The following MYT1L variants were observed in gnomAD, a reference collection of about 807,000 sequenced individuals.
MYT1L encodes the protein myelin transcription factor 1 like, also known as myelin transcription factor 1-like protein.
MYT1L carries 12 observed loss-of-function variants against 126.7 expected under a neutral mutation model. The ratio of observed to expected loss-of-function variants is 0.09; its 90% CI spans 0.06 to 0.15. The LOEUF is 0.15. Ranked by LOEUF, MYT1L falls within the 10% of genes least tolerant of loss-of-function variation. The probability of loss-of-function intolerance (pLI) is 1.00; values close to 1 mark genes in which losing one functional copy is unlikely to be tolerated. For synonymous variants in MYT1L, 541 were observed against 604.2 expected (o/e 0.90, Z 1.53); for missense variants, 979 against 1,585.2 (o/e 0.62, Z 6.49).
At chr2:2,195,987 G>T (rs1210806572) in intron 2 of MYT1L, among the ~76,000 whole-genome samples, 1 of 152,042 alleles carries the variant, frequency 6.6e-6, no homozygotes, top group Non-Finnish European at 1.5e-5. Flanking sequence ...TATTTAAAAA[G>T]ATAAAATGTA....
At chr2:1,883,377 A>C (rs2148811280) in intron 18 of MYT1L, among the ~76,000 whole-genome samples, 1 of 152,320 alleles carries the variant, frequency 6.6e-6, no homozygotes, top group East Asian at 1.9e-4. Context: ...GGCTGGGAGA[A>C]TATGGTTCCT....
chr2:1,994,951 T>TA (rs2061712733), intron 5 of MYT1L, among the ~76,000 whole-genome samples: 1 of 152,130 alleles, frequency 6.6e-6, no homozygotes, highest in African/African-American at 2.4e-5. Context: ...ACAGAAAACT[T>TA]AGAGAAACCT....
At chr2:2,076,673 G>C (rs1296481142) in intron 3 of MYT1L, among the ~76,000 whole-genome samples, 3 of 152,108 alleles carry the variant, frequency 2.0e-5, no homozygotes, top group African/African-American at 7.2e-5. Context: ...TAAACTAGTA[G>C]CAACAAAAAT....
Position 1,943,343 on chromosome 2 carries a change from A to G in MYT1L, c.153-9T>C. ...AGGGACAACCATATACACTAATTAA[A>G]AAAATAGAGAAGGCAGGGGAGAGAG... On this transcript the variant is annotated splice_polypyrimidine_tract_variant and intron_variant, in intron 8 of 24. Coordinates refer to ENST00000647738, the MANE Select transcript of MYT1L (RefSeq NM_001303052.2). The surrounding 1 kb of genome is among the most constrained non-coding windows in gnomAD (Gnocchi z 4.4). 6.5e-7 allele frequency: 1 copy of G among 1,535,912 alleles called. No homozygotes were observed. The highest frequency in any genetic ancestry group is 8.7e-7 in the Non-Finnish European group (1 of 1,143,004).
At chr2:2,110,086 T>TGCC (rs1420624564) in intron 3 of MYT1L, among the ~76,000 whole-genome samples, 1 of 151,464 alleles carries the variant, frequency 6.6e-6, no homozygotes, top group Non-Finnish European at 1.5e-5. Context: ...GCCTCCATGG[T>TGCC]GCCAAGTCCA....
chr2:2,270,299 C>G (rs1040748071), intron 2 of MYT1L, among the ~76,000 whole-genome samples: 11 of 152,194 alleles, frequency 7.2e-5, no homozygotes, highest in Non-Finnish European at 1.2e-4. Context: ...GTGGCAGCAG[C>G]CTGGGCAGCC....
chr2:2,137,993 G>GA (rs1229112406), intron 3 of MYT1L, among the ~76,000 whole-genome samples: 76 of 151,980 alleles, frequency 5.0e-4, no homozygotes, highest in African/African-American at 1.8e-3. Context: ...AAATTTACAA[G>GA]AAAAAAACAA....
At chr2:1,833,106 T>A (rs1366008848) in intron 21 of MYT1L, among the ~76,000 whole-genome samples, 1 of 152,168 alleles carries the variant, frequency 6.6e-6, no homozygotes, top group Non-Finnish European at 1.5e-5. Context: ...CCCAAGGGTC[T>A]CAAGTTCCTA....
chr2:2,316,985 T>G (rs2096075751), intron 1 of MYT1L, among the ~76,000 whole-genome samples: 1 of 151,522 alleles, frequency 6.6e-6, no homozygotes, highest in East Asian at 1.9e-4. Context: ...CAATTTTTTT[T>G]TTTTTGGATT....
intron 21 of MYT1L, among the ~76,000 whole-genome samples, chr2:1,830,630 C>T (rs1271844139): frequency 1.3e-5 from 2 of 152,088 alleles, no homozygotes; most frequent in African/African-American, 4.8e-5. Context: ...CTCTTGGCAC[C>T]CCAAAGGGCT....
intron 5 of MYT1L, among the ~76,000 whole-genome samples, chr2:1,994,154 T>A (rs2061648323): frequency 6.6e-6 from 1 of 152,214 alleles, no homozygotes; most frequent in Non-Finnish European, 1.5e-5. Context: ...AATCCCAGTC[T>A]CCGTGGCCTG....
At chr2:2,255,839 A>G (rs1489469297) in intron 2 of MYT1L, among the ~76,000 whole-genome samples, 2 of 152,128 alleles carry the variant, frequency 1.3e-5, no homozygotes, top group Non-Finnish European at 2.9e-5. Flanking sequence ...ATTGTCTTTC[A>G]TCTGGGATAA....
intron 2 of MYT1L, among the ~76,000 whole-genome samples, chr2:2,185,901 CT>C (rs1414508471): frequency 4.6e-4 from 58 of 125,906 alleles, no homozygotes; most frequent in African/African-American, 1.9e-3. Context: ...GCAGCCGGGC[CT>C]TCCGGGCCTT....
intron 21 of MYT1L, among the ~76,000 whole-genome samples, chr2:1,817,257 G>A (rs1443933019): frequency 1.3e-5 from 2 of 152,198 alleles, no homozygotes; most frequent in Non-Finnish European, 2.9e-5. Flanking sequence ...ACCACCCAGA[G>A]GACCGACGGC....
At position 1,894,607 on chromosome 2, in the gene MYT1L, C is replaced by T. The variant is rs182542395; in HGVS notation, c.2033-2320G>A. On this transcript the variant is annotated intron_variant, in intron 14 of 24. Transcript: ENST00000647738. The stretch of plus-strand genomic sequence containing the variant: ...TGGTTTAGGAAAAAAAAAAACATTG[C>T]CCACATAAATTAAAAAAAATAACAC... Among the ~76,000 whole-genome samples, 13 of 133,718 alleles carry T rather than the reference C, an allele frequency of 9.7e-5. 1 individual carries two copies. The East Asian group carries it at 2.1e-3, about 22-fold the overall frequency. The allele number at this position is 133,718 out of a possible 152,430, so 87.7% of individuals were successfully genotyped here.
intron 12 of MYT1L, among the ~76,000 whole-genome samples, chr2:1,911,118 A>G (rs1437115493): frequency 5.3e-5 from 8 of 152,196 alleles, no homozygotes; most frequent in Non-Finnish European, 1.0e-4. Context: ...CGGATGCTGC[A>G]TCGAACAGCA....
intron 4 of MYT1L, among the ~76,000 whole-genome samples, chr2:2,039,681 T>C (rs1053722983): frequency 6.6e-6 from 1 of 152,192 alleles, no homozygotes; most frequent in Non-Finnish European, 1.5e-5. Context: ...AGACTGGTGA[T>C]GGGTTTTGAT....
At chr2:1,830,502 G>C (rs1188141459) in intron 21 of MYT1L, among the ~76,000 whole-genome samples, 4 of 152,042 alleles carry the variant, frequency 2.6e-5, no homozygotes, top group Non-Finnish European at 5.9e-5. Flanking sequence ...CACCCCGAAG[G>C]GCTCACAGGG....
intron 13 of MYT1L, among the ~76,000 whole-genome samples, chr2:1,909,653 C>A (rs1261330746): frequency 6.6e-6 from 1 of 152,134 alleles, no homozygotes; most frequent in Admixed American, 6.5e-5. Context: ...ACTGATTGAC[C>A]CACTGTAACA....
Sources: allele counts gnomAD v4.1 joint callset (sites outside exome capture counted in the v4.1 genomes callset), GRCh38; gene constraint gnomAD v4.1.1; non-coding constraint Gnocchi (gnomAD v3.1); transcripts MANE v1.5; gene names NCBI Gene and HGNC (gene_info 2026-07-23, HGNC 2026-07-21).